DENND2A: variants seen among roughly 807,000 people sequenced by gnomAD.
DENND2A encodes the protein DENN domain containing 2A.
DENND2A carries 53 observed loss-of-function variants against 105.3 expected under a neutral mutation model. The observed-to-expected ratio is 0.50, with a 90% CI of 0.40 to 0.63. The LOEUF is 0.63. Among genes scored for constraint, DENND2A ranks in the 30% least tolerant of loss-of-function variants. The probability of loss-of-function intolerance (pLI) is 0.00; values close to 1 mark genes in which losing one functional copy is unlikely to be tolerated. For synonymous variants in DENND2A, 522 were observed against 508.4 expected, an observed-to-expected ratio of 1.03 and a Z score of -0.36; for missense variants, 1,138 against 1,279.6, an observed-to-expected ratio of 0.89 and a Z score of 1.69.
chr7:140,621,335 G>A (rs945265786), intron 1 of DENND2A, among the ~76,000 whole-genome samples: 11 of 151,972 alleles, frequency 7.2e-5, no homozygotes. Flanking sequence ...ACCAGGCCTG[G>A]CCCTTCCACA....
At chr7:140,606,303 G>T (rs1274763314) in intron 1 of DENND2A, among the ~76,000 whole-genome samples, 2 of 152,190 alleles carry the variant, frequency 1.3e-5, no homozygotes, top group African/African-American at 2.4e-5. Context: ...GCCTTCCTAA[G>T]TGCTGGGATT....
Position 140,527,293 on chromosome 7 carries a change from G to A in DENND2A, c.2505+25C>T. The A allele has an allele frequency of 6.4e-7, 1 of 1,550,840 alleles. No individual in the cohort carries two copies. The highest frequency in any genetic ancestry group is 8.7e-7 in the Non-Finnish European group (1 of 1,146,712). On this transcript the variant is annotated intron_variant, in intron 15 of 19. Coordinates refer to ENST00000496613, the MANE Select transcript of DENND2A (RefSeq NM_015689.5). The surrounding 1 kb of genome is among the most constrained non-coding windows in gnomAD (Gnocchi z 4.9). ...CTGTTCTCCGCACCCTGCAGGGAGGGGGACAGGGCTGAGTGGGAGCTCACC... is the reference window on the plus strand; with the variant it reads ...CTGTTCTCCGCACCCTGCAGGGAGGAGGACAGGGCTGAGTGGGAGCTCACC...
At chr7:140,564,555 G>A (rs1261707174) in intron 9 of DENND2A, among the ~76,000 whole-genome samples, 1 of 152,144 alleles carries the variant, frequency 6.6e-6, no homozygotes. Context: ...AAGACTGGAA[G>A]AAAAAGAAAA....
intron 1 of DENND2A, among the ~76,000 whole-genome samples, chr7:140,616,376 A>G (rs1800086798): frequency 6.6e-6 from 1 of 152,206 alleles, no homozygotes; most frequent in Non-Finnish European, 1.5e-5. Flanking sequence ...ACACAAAAAA[A>G]GAATAGGCCA....
Position 140,601,496 on chromosome 7 carries a change from G to A in DENND2A, c.902C>T (p.Ser301Phe), listed in dbSNP as rs372251918. Reference sequence around the variant, plus strand: ...GGAGGGCAGAGGCGGGGGAGGTAGAGAGGGCAGAGGAGGCAGATTTCTTTT... The same window carrying A: ...GGAGGGCAGAGGCGGGGGAGGTAGAAAGGGCAGAGGAGGCAGATTTCTTTT... ...KEKRNLPPLP[S>F]LPPPPLPSSP... Residue 301 changes from serine (S) to phenylalanine (F), a missense_variant, in exon 3 of 20, where the codon TCT (serine) becomes TTT (phenylalanine). Physicochemically the swap from Ser to Phe is radical, Grantham distance 155 (BLOSUM62 -2). This residue lies in a region of DENND2A where 511 missense variants were observed against 499.9 expected (regional missense o/e 1.02). Coordinates refer to ENST00000496613, the MANE Select transcript of DENND2A (RefSeq NM_015689.5). 2 of 1,613,962 alleles carry A rather than the reference G, an allele frequency of 1.2e-6. No individual in the cohort carries two copies. Among genetic ancestry groups the A allele is most frequent in the Non-Finnish European group, 1.7e-6 (2 of 1,179,996 alleles).
intron 5 of DENND2A, among the ~76,000 whole-genome samples, chr7:140,577,488 C>T (rs1295713602): frequency 5.3e-5 from 8 of 151,712 alleles, no homozygotes; most frequent in Admixed American, 2.0e-4. Flanking sequence ...ACCTCCACCT[C>T]GCGGGTTCAA....
chr7:140,638,124 T>C (rs1033212692), intron 1 of DENND2A, among the ~76,000 whole-genome samples: 8 of 152,164 alleles, frequency 5.3e-5, no homozygotes, highest in East Asian at 1.9e-4. Flanking sequence ...TTCCACATGA[T>C]AAATTCCCAG....
rs75391852 is a variant in DENND2A, at chr7:140,603,800, C to T, written c.-145-1258G>A. ...AATTCAAGCTTCAGTTCCTCAGTTA[C>T]ACCTGCCACATGTCAAGGACTCAGA... is the stretch of plus-strand genomic sequence containing the variant. On this transcript the variant is annotated intron_variant, in intron 2 of 19. Transcript: ENST00000496613. 1.6e-3 allele frequency among the ~76,000 whole-genome samples: 240 copies of T among 152,332 alleles called. 4 individuals carry two copies. In the East Asian group the frequency reaches 0.04, roughly 25 times the overall value.
At chr7:140,552,420 G>T (rs1229643643) in intron 12 of DENND2A, among the ~76,000 whole-genome samples, 1 of 145,966 alleles carries the variant, frequency 6.9e-6, no homozygotes, top group Non-Finnish European at 1.5e-5. Flanking sequence ...TCTTTACAGG[G>T]TCTCACTATA....
At chr7:140,590,663 A>C (rs1281224048) in intron 3 of DENND2A, among the ~76,000 whole-genome samples, 2 of 151,732 alleles carry the variant, frequency 1.3e-5, no homozygotes, top group African/African-American at 4.8e-5. Flanking sequence ...CCAGGAGTTC[A>C]AGGCCAGCCT....
At chr7:140,595,605 C>T (rs554079550) in intron 3 of DENND2A, among the ~76,000 whole-genome samples, 85 of 152,032 alleles carry the variant, frequency 5.6e-4, no homozygotes, top group Non-Finnish European at 1.1e-3. Context: ...CCTGCCTCTA[C>T]AAAAAATACA....
chr7:140,519,601 C>T (rs773091139), intron 19 of DENND2A, 31 bp downstream of exon 19: 24 of 1,601,576 alleles, frequency 1.5e-5, no homozygotes, highest in Non-Finnish European at 2.1e-5. Context: ...CAGAGGCACA[C>T]AGGCTGGGCA....
intron 15 of DENND2A, among the ~76,000 whole-genome samples, chr7:140,526,275 C>T (rs1338631963): frequency 6.6e-6 from 1 of 152,178 alleles, no homozygotes; most frequent in Non-Finnish European, 1.5e-5. Context: ...CTGCTGAAGG[C>T]TTTCAGGATA....
chr7:140,636,042 C>T (rs567389498), intron 1 of DENND2A, among the ~76,000 whole-genome samples: 1 of 152,288 alleles, frequency 6.6e-6, no homozygotes, highest in East Asian at 1.9e-4. Flanking sequence ...TGGCACTCTT[C>T]CCTGAGTAAC....
chr7:140,558,080 G>A lies in DENND2A; in HGVS notation c.1959+63C>T, dbSNP rs77903254. On this transcript the variant is annotated intron_variant, in intron 11 of 19. Coordinates refer to ENST00000496613, the MANE Select transcript of DENND2A (RefSeq NM_015689.5). The stretch of plus-strand genomic sequence containing the variant: ...TCACGGGACTGGGAAGCCAGACCTG[G>A]CTCTTGCACCAGGACTAGGAAGTCC... 1.1e-3 allele frequency: 1,598 copies of A among 1,410,194 alleles called. 23 individuals are homozygous for A. The African/African-American group carries it at 0.02, about 17-fold the overall frequency. The allele number at this position is 1,410,194 out of a possible 1,614,324, so 87.4% of individuals were successfully genotyped here. A position where few individuals can be genotyped will look rare whatever the true frequency, so the allele number is the denominator to read the frequency against.
At position 140,521,895 on chromosome 7, in the gene DENND2A, G is replaced by A. The variant is rs1466117122; in HGVS notation, c.2871C>T (p.Gly957=). Residue 957 remains glycine, a synonymous_variant, in exon 18 of 20, where the codon GGC becomes GGT. Coordinates refer to ENST00000496613, the MANE Select transcript of DENND2A (RefSeq NM_015689.5). The part of the protein sequence containing the change: ...EVFMETQMFR[G]FIQERELRRQ... ...GGCGCAGCTCCCGCTCCTGGATGAA[G>A]CCCCGAAACATCTGAGTCTCCATGA... 3 of 1,614,128 alleles carry A rather than the reference G, an allele frequency of 1.9e-6. No homozygotes were observed. The highest frequency in any genetic ancestry group is 1.7e-6 in the Non-Finnish European group (2 of 1,180,044).
chr7:140,557,298 G>A (rs1301517051), intron 11 of DENND2A, among the ~76,000 whole-genome samples: 3 of 151,002 alleles, frequency 2.0e-5, no homozygotes, highest in African/African-American at 4.9e-5. Flanking sequence ...CCAGCTACTC[G>A]GGAGGCTGAG....
At chr7:140,581,394 G>A (rs1798536841) in intron 5 of DENND2A, among the ~76,000 whole-genome samples, 1 of 152,242 alleles carries the variant, frequency 6.6e-6, no homozygotes, top group Admixed American at 6.5e-5. Flanking sequence ...TCTGAGGAGA[G>A]CCTATCCAAC....
At chr7:140,560,563 AG>A (rs1797572016) in intron 9 of DENND2A, among the ~76,000 whole-genome samples, 1 of 152,004 alleles carries the variant, frequency 6.6e-6, no homozygotes, top group Non-Finnish European at 1.5e-5. Context: ...AGGCCAAGGT[AG>A]GAGGATCACT....
Sources: allele counts gnomAD v4.1 joint callset (sites outside exome capture counted in the v4.1 genomes callset), GRCh38; gene constraint gnomAD v4.1.1; regional missense constraint gnomAD v4.1.1; non-coding constraint Gnocchi (gnomAD v3.1); transcripts MANE v1.5; gene names NCBI Gene and HGNC (gene_info 2026-07-23, HGNC 2026-07-21).